The following DLG2 variants were observed in gnomAD, a reference collection of about 807,000 sequenced individuals.
DLG2 encodes the protein discs large MAGUK scaffold protein 2, also known as disks large homolog 2.
DLG2 carries 45 observed loss-of-function variants against 132.5 expected under a neutral mutation model. The ratio of observed to expected loss-of-function variants is 0.34; its 90% CI spans 0.27 to 0.44. The LOEUF (loss-of-function observed/expected upper bound fraction) is 0.44, where lower values mean the gene tolerates loss of function less well. DLG2 is among the 20% of genes least tolerant of loss of function. The pLI is 1.00. For synonymous variants in DLG2, 424 were observed against 419.6 expected (o/e 1.01, Z -0.13); for missense variants, 1,045 against 1,196.9 (o/e 0.87, Z 1.87).
chr11:84,643,250 A>G (rs1380182063), intron 6 of DLG2, among the ~76,000 whole-genome samples: 1 of 152,134 alleles, frequency 6.6e-6, no homozygotes, highest in East Asian at 1.9e-4. Flanking sequence ...CTACTCAGGA[A>G]TTGGGCCCTT....
intron 18 of DLG2, among the ~76,000 whole-genome samples, chr11:83,741,653 G>T (rs1244932727): frequency 6.6e-6 from 1 of 151,914 alleles, no homozygotes; most frequent in East Asian, 1.9e-4. Context: ...AGAAATCAAA[G>T]GCAACACAAA....
At chr11:84,046,719 G>T (rs1372645167) in intron 11 of DLG2, among the ~76,000 whole-genome samples, 2 of 151,134 alleles carry the variant, frequency 1.3e-5, no homozygotes, top group East Asian at 1.9e-4. Context: ...TCAATTTTCA[G>T]TGAACTCAGT....
chr11:84,990,666 A>T (rs542620473), intron 6 of DLG2, among the ~76,000 whole-genome samples: 1 of 151,970 alleles, frequency 6.6e-6, no homozygotes, highest in African/African-American at 2.4e-5. Context: ...ACCACCACAT[A>T]CCTATTAAAA....
At chr11:83,552,661 C>T (rs954082294) in intron 19 of DLG2, among the ~76,000 whole-genome samples, 1 of 152,128 alleles carries the variant, frequency 6.6e-6, no homozygotes, top group South Asian at 2.1e-4. Context: ...CTTGAGGGCT[C>T]AGCTTCCTTC....
At chr11:84,167,692 G>A (rs2095702335) in intron 8 of DLG2, among the ~76,000 whole-genome samples, 1 of 151,550 alleles carries the variant, frequency 6.6e-6, no homozygotes, top group Non-Finnish European at 1.5e-5. Flanking sequence ...TCGAGACGGA[G>A]TTTCAGTCTT....
intron 7 of DLG2, among the ~76,000 whole-genome samples, chr11:84,308,791 G>A (rs918049797): frequency 2.0e-5 from 3 of 152,162 alleles, no homozygotes; most frequent in East Asian, 3.9e-4. Flanking sequence ...TGCTAAGCCC[G>A]TCATTGCCCG....
chr11:83,929,693 T>G (rs2079778028), intron 15 of DLG2, among the ~76,000 whole-genome samples: 1 of 152,190 alleles, frequency 6.6e-6, no homozygotes, highest in Non-Finnish European at 1.5e-5. Context: ...TGAACTTCTA[T>G]TTCTTAAAAT....
chr11:84,726,776 T>C (rs2062519276), intron 6 of DLG2, among the ~76,000 whole-genome samples: 1 of 152,186 alleles, frequency 6.6e-6, no homozygotes, highest in South Asian at 2.1e-4. Flanking sequence ...CCAGCATCTG[T>C]TGTTTCCTGA....
chr11:84,925,401 TA>T (rs1196695442), intron 6 of DLG2, among the ~76,000 whole-genome samples: 3 of 152,122 alleles, frequency 2.0e-5, no homozygotes, highest in Non-Finnish European at 2.9e-5. Flanking sequence ...CCCTTAGCCT[TA>T]AAAACTTCTT....
intron 6 of DLG2, among the ~76,000 whole-genome samples, chr11:84,973,012 C>T (rs1440927309): frequency 1.3e-5 from 2 of 149,980 alleles, no homozygotes; most frequent in South Asian, 2.1e-4. Context: ...GGCTGGAGGG[C>T]AGTGGCGCGA....
chr11:83,590,481 A>G (rs2097168807), intron 19 of DLG2, among the ~76,000 whole-genome samples: 1 of 152,176 alleles, frequency 6.6e-6, no homozygotes, highest in Admixed American at 6.5e-5. Flanking sequence ...TCTGGGACAC[A>G]TTCAAAGCAG....
chr11:84,161,693 A>G (rs1292685027), intron 9 of DLG2, among the ~76,000 whole-genome samples: 1 of 152,184 alleles, frequency 6.6e-6, no homozygotes, highest in Admixed American at 6.5e-5. Flanking sequence ...TACATTGGAT[A>G]AGGAAAAAGG....
In DLG2 at chr11:83,620,742, C is replaced by T. The variant is rs867291212; in HGVS notation, c.1940+12469G>A. Among the ~76,000 whole-genome samples the T allele has an allele frequency of 1.9e-3, 291 of 149,564 alleles. 1 individual carries two copies. Among genetic ancestry groups the T allele is most frequent in the African/African-American group, 6.8e-3 (278 of 40,808 alleles). ...AAAATTAGCCGGGCGTAGTGGCGGG[C>T]GCCTGTAGTCCCAGCTACTTGGGAG... On this transcript the variant is annotated intron_variant, in intron 19 of 27. Coordinates refer to ENST00000376104, the MANE Select transcript of DLG2 (RefSeq NM_001142699.3).
intron 3 of DLG2, among the ~76,000 whole-genome samples, chr11:85,544,699 A>T (rs1011946290): frequency 6.6e-6 from 1 of 152,032 alleles, no homozygotes; most frequent in African/African-American, 2.4e-5. Flanking sequence ...CCTTGAAGAG[A>T]TCCTTCACAT....
chr11:83,893,825 C>T (rs11233791), intron 15 of DLG2, among the ~76,000 whole-genome samples: 14,697 of 152,256 alleles, frequency 0.097, 843 homozygotes, highest in Middle Eastern at 0.2. Flanking sequence ...TTCTTAGACT[C>T]CACTTCCCCA....
At chr11:84,760,768 A>C (rs148835774) in intron 6 of DLG2, among the ~76,000 whole-genome samples, 2 of 152,308 alleles carry the variant, frequency 1.3e-5, no homozygotes, top group Admixed American at 6.5e-5. Context: ...AGAAGAGGGC[A>C]GTTCCCCAGC....
chr11:84,874,649 G>A (rs1159958223), intron 6 of DLG2, among the ~76,000 whole-genome samples: 1 of 152,166 alleles, frequency 6.6e-6, no homozygotes, highest in Admixed American at 6.5e-5. Flanking sequence ...AATATGGAGA[G>A]ACTAGTTAGC....
chr11:84,493,600 C>T (rs1439910009), intron 7 of DLG2, among the ~76,000 whole-genome samples: 1 of 152,042 alleles, frequency 6.6e-6, no homozygotes, highest in Non-Finnish European at 1.5e-5. Context: ...AAACAGTGAG[C>T]AGGCACTGGA....
chr11:85,098,381 GA>G (rs1384503127), intron 6 of DLG2, among the ~76,000 whole-genome samples: 5 of 152,196 alleles, frequency 3.3e-5, no homozygotes, highest in Non-Finnish European at 5.9e-5. Flanking sequence ...TGGATTAGAT[GA>G]GATTCTTTTT....
Sources: allele counts gnomAD v4.1 joint callset (sites outside exome capture counted in the v4.1 genomes callset), GRCh38; gene constraint gnomAD v4.1.1; transcripts MANE v1.5; gene names NCBI Gene and HGNC (gene_info 2026-07-23, HGNC 2026-07-21).